Variants in GALNT13 observed in about 807,000 individuals in gnomAD.
GALNT13 encodes polypeptide N-acetylgalactosaminyltransferase 13.
Under a neutral mutation model 64.2 loss-of-function variants are expected in GALNT13, and 28 were observed. The ratio of observed to expected loss-of-function variants is 0.44; its 90% CI spans 0.32 to 0.60. GALNT13 has a LOEUF of 0.60. Ranked by LOEUF, GALNT13 falls within the 20% of genes least tolerant of loss-of-function variation. The pLI is 0.05. For missense variants in GALNT13, 577 were observed against 669.8 expected (o/e 0.86, Z 1.53); for synonymous variants, 214 against 224.6 (o/e 0.95, Z 0.42).
At chr2:153,164,347 G>A in the GALNT13 span, among the ~76,000 whole-genome samples, 15 of 152,196 alleles carry the variant, frequency 9.9e-5, no homozygotes, top group Non-Finnish European at 1.6e-4. Flanking sequence ...AACATCTCAT[G>A]TACACACATC....
At chr2:154,267,934 T>A (rs1691110247) in intron 8 of GALNT13, among the ~76,000 whole-genome samples, 1 of 152,114 alleles carries the variant, frequency 6.6e-6, no homozygotes, top group South Asian at 2.1e-4. Context: ...CACAATGAGA[T>A]TACACTATGC....
the GALNT13 span, among the ~76,000 whole-genome samples, chr2:153,624,051 T>C: frequency 6.6e-6 from 1 of 152,026 alleles, no homozygotes; most frequent in East Asian, 1.9e-4. Flanking sequence ...ATGAAGATGG[T>C]GTAGAGAGTG....
At chr2:154,019,681 A>G (rs1277439385) in intron 3 of GALNT13, among the ~76,000 whole-genome samples, 11 of 120,958 alleles carry the variant, frequency 9.1e-5, no homozygotes, top group Non-Finnish European at 1.5e-4. Flanking sequence ...ACATGTTTAA[A>G]TGATTTTTTG....
chr2:153,346,535 G>A, the GALNT13 span, among the ~76,000 whole-genome samples: 105 of 152,126 alleles, frequency 6.9e-4, no homozygotes, highest in African/African-American at 2.4e-3. Flanking sequence ...TTTAATGAAA[G>A]ATTCTCTTGG....
rs140228908 is a variant in GALNT13, at chr2:154,040,901, A to T, written c.142+96262A>T. ...AGACCTATTCATTATTATTCCTTAG[A>T]TGCTCGAATCCTCCATACAATGTGG... On this transcript the variant is annotated intron_variant, in intron 3 of 12. Transcript: ENST00000392825. Among the ~76,000 whole-genome samples, 3 of 140,002 alleles carry T rather than the reference A, an allele frequency of 2.1e-5. No individual in the cohort carries two copies. The East Asian group carries it at 6.0e-4, about 28-fold the overall frequency. The allele number at this position is 140,002 out of a possible 152,430, so 91.8% of individuals were successfully genotyped here. A position where few individuals can be genotyped will look rare whatever the true frequency, so the allele number is the denominator to read the frequency against.
At chr2:153,293,241 T>A in the GALNT13 span, among the ~76,000 whole-genome samples, 1 of 152,146 alleles carries the variant, frequency 6.6e-6, no homozygotes, top group South Asian at 2.1e-4. Flanking sequence ...TATGGCAAAG[T>A]GCACTTTGCA....
intron 10 of GALNT13, among the ~76,000 whole-genome samples, chr2:154,403,217 CCGAGG>C (rs1224953661): frequency 3.9e-5 from 6 of 152,072 alleles, no homozygotes; most frequent in Non-Finnish European, 2.9e-5. Flanking sequence ...CTTTGGGAGG[CCGAGG>C]CAGGCGGATC....
chr2:153,617,840 A>G, the GALNT13 span, among the ~76,000 whole-genome samples: 21 of 152,008 alleles, frequency 1.4e-4, no homozygotes, highest in African/African-American at 5.1e-4. Flanking sequence ...ATTTATTGGC[A>G]TATAGTTGCT....
chr2:154,442,340 G>A (rs1451154052), intron 12 of GALNT13, among the ~76,000 whole-genome samples: 2 of 151,968 alleles, frequency 1.3e-5, no homozygotes, highest in Non-Finnish European at 2.9e-5. Context: ...AGTAATAAAT[G>A]CACTTCTTTG....
At chr2:154,372,238 T>C (rs1166035531) in intron 9 of GALNT13, among the ~76,000 whole-genome samples, 4 of 152,162 alleles carry the variant, frequency 2.6e-5, no homozygotes, top group African/African-American at 9.7e-5. Flanking sequence ...TGAGATTTTA[T>C]TGTCACACTA....
At chr2:153,980,721 G>A (rs1361984322) in intron 3 of GALNT13, among the ~76,000 whole-genome samples, 1 of 152,082 alleles carries the variant, frequency 6.6e-6, no homozygotes, top group African/African-American at 2.4e-5. Flanking sequence ...CAGATGAATG[G>A]AAAAACTTCT....
At chr2:153,544,615 T>C in the GALNT13 span, among the ~76,000 whole-genome samples, 2,214 of 152,198 alleles carry the variant, frequency 0.015, 24 homozygotes, top group Middle Eastern at 0.041. Flanking sequence ...CTAAGAAAAA[T>C]TTTTGTCCAA....
At chr2:153,926,591 T>C (rs913384411) in intron 2 of GALNT13, among the ~76,000 whole-genome samples, 3 of 152,162 alleles carry the variant, frequency 2.0e-5, no homozygotes, top group Non-Finnish European at 4.4e-5. Context: ...AAGTTAGAAT[T>C]TTGGAAACAG....
intron 9 of GALNT13, among the ~76,000 whole-genome samples, chr2:154,356,620 C>T (rs1037744341): frequency 1.3e-5 from 2 of 151,870 alleles, no homozygotes; most frequent in African/African-American, 4.8e-5. Context: ...AACTACCTTT[C>T]CTCAATTTTA....
the GALNT13 span, among the ~76,000 whole-genome samples, chr2:153,785,035 C>T: frequency 1.3e-5 from 2 of 152,176 alleles, no homozygotes; most frequent in Non-Finnish European, 2.9e-5. Flanking sequence ...GTGAGGTCTA[C>T]AACCACCCTC....
the GALNT13 span, among the ~76,000 whole-genome samples, chr2:153,200,930 T>C: frequency 6.6e-6 from 1 of 152,242 alleles, no homozygotes; most frequent in Non-Finnish European, 1.5e-5. Context: ...AGAGGTTGAC[T>C]AGAAGGTAAT....
chr2:153,175,315 G>A, the GALNT13 span, among the ~76,000 whole-genome samples: 3 of 152,288 alleles, frequency 2.0e-5, no homozygotes, highest in Non-Finnish European at 2.9e-5. Context: ...CTGTTTGTAT[G>A]TGTGTGTTTA....
chr2:154,146,690 G>A (rs1368266285), intron 4 of GALNT13, among the ~76,000 whole-genome samples: 1 of 152,038 alleles, frequency 6.6e-6, no homozygotes, highest in South Asian at 2.1e-4. Context: ...CATACCAGGA[G>A]GAGAAGAGCA....
At chr2:153,805,061 T>G in the GALNT13 span, among the ~76,000 whole-genome samples, 1 of 151,794 alleles carries the variant, frequency 6.6e-6, no homozygotes, top group Non-Finnish European at 1.5e-5. Flanking sequence ...ACGGTATACA[T>G]AGATTGATAT....
Sources: gnomAD v4.1 joint callset for allele counts (sites outside exome capture counted in the v4.1 genomes callset) on GRCh38, gnomAD v4.1.1 for gene constraint, MANE v1.5 for transcripts, NCBI Gene and HGNC (gene_info 2026-07-23, HGNC 2026-07-21) for gene names.